Variants in WASF2 observed in about 807,000 individuals in gnomAD.
The protein encoded by WASF2 is actin-binding protein WASF2.
In WASF2, 14 loss-of-function variants were observed where a neutral mutation model predicts 45.0. The ratio of observed to expected loss-of-function variants is 0.31; its 90% CI spans 0.21 to 0.49. WASF2 has a LOEUF of 0.49. Among genes scored for constraint, WASF2 ranks in the 20% least tolerant of loss-of-function variants. WASF2 has a pLI of 0.99. For missense variants in WASF2, 439 were observed against 636.1 expected, an observed-to-expected ratio of 0.69 and a Z score of 3.33; for synonymous variants, 200 against 236.3, an observed-to-expected ratio of 0.85 and a Z score of 1.41.
In WASF2 at chr1:27,408,793, A is replaced by G. The variant is rs1343088969; in HGVS notation, c.1340-447T>C. Among the ~76,000 whole-genome samples, 26 of 144,158 alleles carry G rather than the reference A, an allele frequency of 1.8e-4. 1 individual carries two copies. Among genetic ancestry groups the G allele is most frequent in the Admixed American group, 1.8e-3 (26 of 14,530 alleles). The allele number at this position is 144,158 out of a possible 152,430, so 94.6% of individuals were successfully genotyped here. The stretch of plus-strand genomic sequence containing the variant: ...GGCCCCTGATAGAATAAATGCTCCA[A>G]TGTTCCAGGAGGGTGAGATGATGAA... On this transcript the variant is annotated intron_variant, in intron 8 of 8. Coordinates refer to ENST00000618852, the MANE Select transcript of WASF2 (RefSeq NM_006990.5).
chr1:27,466,414 A>T (rs770774883), intron 1 of WASF2, among the ~76,000 whole-genome samples: 24 of 152,224 alleles, frequency 1.6e-4, no homozygotes, highest in Non-Finnish European at 2.9e-4. Flanking sequence ...CTTATGAAGT[A>T]TTATTGCCAA....
chr1:27,411,595 G>A (rs1053326818), intron 7 of WASF2, among the ~76,000 whole-genome samples: 10 of 152,232 alleles, frequency 6.6e-5, no homozygotes, highest in Non-Finnish European at 1.5e-4. Context: ...TGGGCATGGT[G>A]GCTCATGCCT....
intron 1 of WASF2, among the ~76,000 whole-genome samples, chr1:27,456,896 C>T (rs558904605): frequency 9.1e-4 from 138 of 152,180 alleles, no homozygotes; most frequent in African/African-American, 3.1e-3. Flanking sequence ...TCCGCCGCCA[C>T]GCCCGGCAAT....
At chr1:27,458,243 G>T (rs151015272) in intron 1 of WASF2, among the ~76,000 whole-genome samples, 311 of 150,542 alleles carry the variant, frequency 2.1e-3, no homozygotes, top group African/African-American at 7.2e-3. Flanking sequence ...AACTCGGGCG[G>T]CGGAGGTTGC....
chr1:27,444,846 T>C (rs930853015), intron 1 of WASF2, among the ~76,000 whole-genome samples: 3 of 152,234 alleles, frequency 2.0e-5, no homozygotes, highest in African/African-American at 7.2e-5. Flanking sequence ...GATTGTGGTA[T>C]TTCTTTATAA....
rs560173672 is a variant in WASF2 at position 27,437,615 on chromosome 1, T to C, written c.-43-8682A>G. On this transcript the variant is annotated intron_variant, in intron 1 of 8. Transcript: ENST00000618852. ...GACTTTCAGTTACAGACAAAGTTCA[T>C]TTTACTTTCCCAATCTAATGCCAAT... Among the ~76,000 whole-genome samples the C allele has an allele frequency of 6.2e-4, 94 of 152,166 alleles. 1 individual carries two copies. The highest frequency in any genetic ancestry group is 1.1e-3 in the Non-Finnish European group (78 of 68,018).
chr1:27,487,629 A>T (rs1489045876), intron 1 of WASF2, among the ~76,000 whole-genome samples: 5 of 86,944 alleles, frequency 5.8e-5, no homozygotes, highest in African/African-American at 2.6e-4. Context: ...TATTTTATAC[A>T]ATATATAATA....
chr1:27,420,732 A>G (rs2016897801), intron 2 of WASF2, among the ~76,000 whole-genome samples: 1 of 152,068 alleles, frequency 6.6e-6, no homozygotes, highest in Non-Finnish European at 1.5e-5. Context: ...CATGTTGGCC[A>G]GGCTGGTCTT....
At chr1:27,409,008 C>A (rs751306499) in intron 8 of WASF2, among the ~76,000 whole-genome samples, 1 of 151,180 alleles carries the variant, frequency 6.6e-6, no homozygotes, top group Non-Finnish European at 1.5e-5. Flanking sequence ...TGTTTTTTTT[C>A]GAAGGCACAA....
intron 2 of WASF2, among the ~76,000 whole-genome samples, chr1:27,425,680 T>C (rs1282121377): frequency 6.6e-6 from 1 of 151,308 alleles, no homozygotes; most frequent in Non-Finnish European, 1.5e-5. Flanking sequence ...CTTCTAAAAA[T>C]ACAAAAAAAT....
rs116296760 is a variant in WASF2, at chr1:27,417,774, C to T, written c.419+495G>A. Reference sequence around the variant, plus strand: ...TGCTCATTTGGAAGAATGCGAATTACTCCTTAAGCTTTGGAAAGACCCCTT... The same window carrying T: ...TGCTCATTTGGAAGAATGCGAATTATTCCTTAAGCTTTGGAAAGACCCCTT... On this transcript the variant is annotated intron_variant, in intron 4 of 8. Coordinates refer to ENST00000618852, the MANE Select transcript of WASF2 (RefSeq NM_006990.5). Among the ~76,000 whole-genome samples the T allele has an allele frequency of 8.3e-3, 1,268 of 152,336 alleles. 6 individuals carry two copies. Among genetic ancestry groups the T allele is most frequent in the Middle Eastern group, 0.014 (4 of 294 alleles).
chr1:27,412,910 A>T (rs1218653030), intron 6 of WASF2, among the ~76,000 whole-genome samples, 183 bp from the exon 7 acceptor site: 1 of 152,242 alleles, frequency 6.6e-6, no homozygotes, highest in Non-Finnish European at 1.5e-5. Context: ...TTCTATTGTC[A>T]AATATATCCC....
At chr1:27,424,244 C>G (rs139308358) in intron 2 of WASF2, among the ~76,000 whole-genome samples, 1 of 152,198 alleles carries the variant, frequency 6.6e-6, no homozygotes, top group African/African-American at 2.4e-5. Flanking sequence ...CTTCCCTGCA[C>G]TCCTCTCAGC....
rs1182335929 is a variant in WASF2, at chr1:27,477,911, T to TAA, written c.-44+12073_-44+12074dup. 3.8e-4 allele frequency among the ~76,000 whole-genome samples: 45 copies of TAA among 119,024 alleles called. 2 individuals carry two copies. Among genetic ancestry groups the TAA allele is most frequent in the Non-Finnish European group, 6.4e-4 (39 of 60,548 alleles). The allele number at this position is 119,024 out of a possible 152,430, so 78.1% of individuals were successfully genotyped here. A position where few individuals can be genotyped will look rare whatever the true frequency, so the allele number is the denominator to read the frequency against. On this transcript the variant is annotated intron_variant, in intron 1 of 8. Coordinates refer to ENST00000618852, the MANE Select transcript of WASF2 (RefSeq NM_006990.5). ...GAGACTCCGTCTCAAAAAAAAAAAA[T>TAA]AAATAAATAAAAAAAAAAATAAAAA...
chr1:27,423,985 A>G (rs1208373150), intron 2 of WASF2, among the ~76,000 whole-genome samples: 3 of 152,156 alleles, frequency 2.0e-5, no homozygotes, highest in Admixed American at 6.5e-5. Flanking sequence ...CAATACTGAT[A>G]CAAAGTGCTG....
At chr1:27,417,244 C>T (rs886977008) in intron 4 of WASF2, among the ~76,000 whole-genome samples, 1 of 152,188 alleles carries the variant, frequency 6.6e-6, no homozygotes, top group African/African-American at 2.4e-5. Context: ...AGTTGTATGA[C>T]CCCTTTCTGC....
Position 27,484,661 on chromosome 1 carries a change from A to C in WASF2, c.-44+5325T>G, listed in dbSNP as rs375034887. Among the ~76,000 whole-genome samples, 137 of 151,876 alleles carry C rather than the reference A, an allele frequency of 9.0e-4. 1 individual carries two copies. The South Asian group carries it at 0.025, about 28-fold the overall frequency. ...TCTCTACTAAAAATACAAAACAAAA[A>C]ATTAGCCAGGCATGGTGGCGGGCAC... On this transcript the variant is annotated intron_variant, in intron 1 of 8. Coordinates refer to ENST00000618852, the MANE Select transcript of WASF2 (RefSeq NM_006990.5).
intron 1 of WASF2, among the ~76,000 whole-genome samples, chr1:27,435,907 C>T (rs1356431332): frequency 6.6e-6 from 1 of 152,238 alleles, no homozygotes; most frequent in Admixed American, 6.5e-5. Context: ...CATATTTGAG[C>T]TATAGCAATA....
At chr1:27,409,212 C>T (rs959937580) in intron 8 of WASF2, among the ~76,000 whole-genome samples, 11 of 151,896 alleles carry the variant, frequency 7.2e-5, no homozygotes, top group Non-Finnish European at 1.3e-4. Context: ...ATCACAAGGT[C>T]AGGAGATCAA....
Sources: allele counts gnomAD v4.1 joint callset (sites outside exome capture counted in the v4.1 genomes callset), GRCh38; gene constraint gnomAD v4.1.1; transcripts MANE v1.5; gene names NCBI Gene and HGNC (gene_info 2026-07-23, HGNC 2026-07-21).